C17orf75: variants seen among roughly 807,000 people sequenced by gnomAD.
The protein encoded by C17orf75 is protein Njmu-R1.
C17orf75 carries 32 observed loss-of-function variants against 49.6 expected under a neutral mutation model. The observed-to-expected ratio is 0.65, with a 90% CI of 0.49 to 0.87. The LOEUF (loss-of-function observed/expected upper bound fraction) is 0.87, where lower values mean the gene tolerates loss of function less well. Among genes scored for constraint, C17orf75 ranks in the 40% least tolerant of loss-of-function variants. C17orf75 has a pLI of 0.00. For missense variants in C17orf75, 428 were observed against 473.9 expected, an observed-to-expected ratio of 0.90 and a Z score of 0.90; for synonymous variants, 158 against 159.5, an observed-to-expected ratio of 0.99 and a Z score of 0.07.
upstream of C17orf75, chr17:32,343,857 G>C (rs80124583): frequency 1.2e-5 from 8 of 677,028 alleles, no homozygotes; most frequent in African/African-American, 1.8e-5. Context: ...TTAAGCAGAA[G>C]AACTTCCTGG....
In C17orf75 at chr17:32,333,587, G is replaced by C. The variant is rs552249723; in HGVS notation, c.872-67C>G. 8.0e-6 allele frequency: 11 copies of C among 1,383,276 alleles called. No individual in the cohort carries two copies. The South Asian group carries it at 1.2e-4, about 16-fold the overall frequency. 85.7% of individuals were successfully genotyped at this position (1,383,276 alleles called of 1,614,324 possible). On this transcript the variant is annotated intron_variant, in intron 8 of 9. Coordinates refer to ENST00000577809, the MANE Select transcript of C17orf75 (RefSeq NM_022344.4). ...CAAAGCTTTATTTATTTATTTATTT[G>C]AGACGGGAGATTCGCTCTTGTTGCC...
At position 32,333,354 on chromosome 17, in the gene C17orf75, T is replaced by C. The variant is rs539868463; in HGVS notation, c.975+63A>G. On this transcript the variant is annotated intron_variant, in intron 9 of 9. Transcript: ENST00000577809. ...ATAAAGCAATTTGTTACTCTGTCACTGGTACTAATTAAAATTCAGACAAAA... is the reference window on the plus strand; with the variant it reads ...ATAAAGCAATTTGTTACTCTGTCACCGGTACTAATTAAAATTCAGACAAAA... The C allele has an allele frequency of 1.4e-5, 16 of 1,143,108 alleles. No homozygotes were observed. In the East Asian group the frequency reaches 2.6e-4, roughly 18 times the overall value. The allele number at this position is 1,143,108 out of a possible 1,614,324, so 70.8% of individuals were successfully genotyped here. A position where few individuals can be genotyped will look rare whatever the true frequency, so the allele number is the denominator to read the frequency against.
intron 1 of C17orf75, among the ~76,000 whole-genome samples, chr17:32,349,738 G>A (rs1179853700): frequency 6.6e-6 from 1 of 152,208 alleles, no homozygotes; most frequent in Admixed American, 6.5e-5. Flanking sequence ...GTACTCGTCT[G>A]TCACCAATCT....
At chr17:32,334,939 C>T in intron 6 of C17orf75, 100 bp from the exon 7 acceptor site, 1 of 940,594 alleles carries the variant, frequency 1.1e-6, no homozygotes, top group East Asian at 2.6e-5. Context: ...CCACACTGGA[C>T]AACAATTGAT....
chr17:32,346,900 G>A (rs2150781678), upstream of C17orf75, among the ~76,000 whole-genome samples: 1 of 152,130 alleles, frequency 6.6e-6, no homozygotes, highest in East Asian at 1.9e-4. Context: ...TTATGGTGCT[G>A]TAACAAACAC....
chr17:32,335,598 T>C lies in C17orf75; in HGVS notation c.550-156A>G, dbSNP rs373938082. Reference sequence around the variant, plus strand: ...CAATTCAAAAAAAGAAATTGTGATATACCTTTCCTGGCTTGTTGGGCAGGG... The same window carrying C: ...CAATTCAAAAAAAGAAATTGTGATACACCTTTCCTGGCTTGTTGGGCAGGG... On this transcript the variant is annotated intron_variant, in intron 5 of 9. Coordinates refer to ENST00000577809, the MANE Select transcript of C17orf75 (RefSeq NM_022344.4). Among the ~76,000 whole-genome samples the C allele has an allele frequency of 1.2e-4, 19 of 152,178 alleles. No homozygotes were observed. In the East Asian group the frequency reaches 1.9e-3, roughly 15 times the overall value.
chr17:32,339,371 A>G (rs1029035741), intron 3 of C17orf75, among the ~76,000 whole-genome samples: 2 of 151,600 alleles, frequency 1.3e-5, no homozygotes, highest in African/African-American at 4.9e-5. Context: ...TAAGTACAAA[A>G]CTTATTAGCC....
At chr17:32,341,615 G>C (rs2041380538) in intron 1 of C17orf75, among the ~76,000 whole-genome samples, 1 of 152,222 alleles carries the variant, frequency 6.6e-6, no homozygotes, top group Admixed American at 6.5e-5. Flanking sequence ...ACCAGAGGGT[G>C]GGGATGGGGG....
chr17:32,346,130 A>G (rs2041423349), upstream of C17orf75, among the ~76,000 whole-genome samples: 1 of 152,062 alleles, frequency 6.6e-6, no homozygotes, highest in Non-Finnish European at 1.5e-5. Flanking sequence ...TAAACTCACT[A>G]CAACGAGAGG....
chr17:32,349,104 G>C (rs2041456452), intron 1 of C17orf75, among the ~76,000 whole-genome samples: 1 of 151,642 alleles, frequency 6.6e-6, no homozygotes, highest in African/African-American at 2.4e-5. Context: ...GACCTCAAGT[G>C]ATCCGCCTGC....
chr17:32,338,092 A>C (rs1234387120), intron 4 of C17orf75, 116 bp downstream of exon 4: 1 of 1,523,280 alleles, frequency 6.6e-7, no homozygotes, highest in African/African-American at 1.4e-5. Flanking sequence ...GAAGGTATGA[A>C]ATTCAACTAA....
chr17:32,338,165 A>C (rs1567803491), intron 4 of C17orf75, 43 bp downstream of exon 4: 2 of 1,595,654 alleles, frequency 1.3e-6, no homozygotes, highest in Non-Finnish European at 1.7e-6. Context: ...CTGCCTTCCC[A>C]TGTTTTCCTT....
chr17:32,343,070 C>T (rs550359474), upstream of C17orf75, among the ~76,000 whole-genome samples: 10 of 152,092 alleles, frequency 6.6e-5, no homozygotes, highest in Admixed American at 2.0e-4. Context: ...CAAACCATAG[C>T]GCCACGTGAA....
At chr17:32,344,096 A>G, upstream of C17orf75, 1 of 566,214 alleles carries the variant, frequency 1.8e-6, no homozygotes, top group Non-Finnish European at 3.2e-6. Context: ...GAGAAAAAAG[A>G]GCCCATTTAA....
chr17:32,343,896 T>G, upstream of C17orf75: 1 of 680,278 alleles, frequency 1.5e-6, no homozygotes, highest in South Asian at 1.5e-5. Flanking sequence ...GTCATGAGGA[T>G]GGTAGAAAAA....
At chr17:32,333,624 C>T in intron 8 of C17orf75, 104 bp from the exon 9 acceptor site, 1 of 991,300 alleles carries the variant, frequency 1.0e-6, no homozygotes, top group Non-Finnish European at 1.5e-6. Context: ...GGCTGGAGTG[C>T]AGCCGGAGTA....
At chr17:32,349,665 G>A (rs2041465386) in intron 1 of C17orf75, among the ~76,000 whole-genome samples, 1 of 152,128 alleles carries the variant, frequency 6.6e-6, no homozygotes, top group Admixed American at 6.5e-5. Flanking sequence ...TAGGACTCCC[G>A]CTCTCTGAGG....
chr17:32,338,063 C>T (rs2041342801), intron 4 of C17orf75, 109 bp from the exon 5 acceptor site: 1 of 1,523,030 alleles, frequency 6.6e-7, no homozygotes, highest in Non-Finnish European at 9.0e-7. Context: ...GCAAACAAGC[C>T]AAGGCAAAAT....
At chr17:32,349,357 G>A (rs947440668) in intron 1 of C17orf75, among the ~76,000 whole-genome samples, 3 of 151,654 alleles carry the variant, frequency 2.0e-5, no homozygotes, top group African/African-American at 7.3e-5. Flanking sequence ...CGAGGCGGGC[G>A]GATCACTTGA....
Sources: allele counts gnomAD v4.1 joint callset (sites outside exome capture counted in the v4.1 genomes callset), GRCh38; gene constraint gnomAD v4.1.1; transcripts MANE v1.5; gene names NCBI Gene and HGNC (gene_info 2026-07-23, HGNC 2026-07-21).